The following TMEM254 variants were observed in gnomAD, a reference collection of about 807,000 sequenced individuals.
TMEM254 encodes transmembrane protein 254.
TMEM254 carries 16 observed loss-of-function variants against 13.9 expected under a neutral mutation model. That is an observed-to-expected ratio of 1.15 (90% confidence interval 0.78 to 1.75). TMEM254 has a LOEUF of 1.75. Ranked by LOEUF, TMEM254 falls within the 40% of genes most tolerant of loss-of-function variation. The pLI is 0.00. For missense variants in TMEM254, 155 were observed against 149.0 expected (o/e 1.04, Z -0.21); for synonymous variants, 61 against 56.4 (o/e 1.08, Z -0.36).
intron 1 of TMEM254, among the ~76,000 whole-genome samples, chr10:80,081,426 G>A (rs1230188726): frequency 2.0e-5 from 3 of 152,124 alleles, no homozygotes; most frequent in Non-Finnish European, 2.9e-5. Context: ...CAGCACTTTG[G>A]GAGGCCAAGA....
intron 1 of TMEM254, chr10:80,079,154 G>A (rs1436925440): frequency 7.6e-7 from 1 of 1,317,664 alleles, no homozygotes; most frequent in Non-Finnish European, 1.0e-6. Flanking sequence ...TGCCCTCTCT[G>A]GTCACAGTCC....
At chr10:80,079,188 A>C in intron 1 of TMEM254, 1 of 606,326 alleles carries the variant, frequency 1.6e-6, no homozygotes, top group Non-Finnish European at 2.4e-6. Context: ...CTTCGCGGTG[A>C]GGCGTGGGGT....
chr10:80,082,232 C>T (rs1564568852), intron 3 of TMEM254, 28 bp downstream of exon 3: 10 of 1,612,686 alleles, frequency 6.2e-6, no homozygotes, highest in Middle Eastern at 3.3e-4. Context: ...GTGTTTGTTG[C>T]CTTTCTCTTA....
At chr10:80,079,033 C>T (rs750309241) in intron 1 of TMEM254, 4 of 1,511,504 alleles carry the variant, frequency 2.6e-6, no homozygotes, top group African/African-American at 1.4e-5. Flanking sequence ...TATATGGGGG[C>T]GGGGACGGCT....
chr10:80,090,866 GTC>G lies in TMEM254; in HGVS notation c.326_327del (p.Leu109HisfsTer36). On this transcript the variant is annotated frameshift_variant, in exon 4 of 4. Transcript: ENST00000372281. LOFTEE classifies it high-confidence loss of function. ...FLQTFFFGIASLTILIAYKRK... is the reference protein window; with the variant it reads ...FLQTFFFGIAXLTILIAYKRK... ...TACAGACTTTCTTCTTTGGGATAGC[GTC>G]TCTCACCATCTTGATTGCTTACAAA... The G allele has an allele frequency of 6.2e-7, 1 of 1,614,064 alleles. No homozygotes were observed. The highest frequency in any genetic ancestry group is 1.1e-5 in the South Asian group (1 of 91,070).
rs943125834 is a variant in TMEM254, at chr10:80,079,524, A to G, written c.87+738A>G. The G allele has an allele frequency of 8.8e-6, 9 of 1,018,428 alleles. No individual in the cohort carries two copies. In the African/African-American group the frequency reaches 1.6e-4, roughly 18 times the overall value. The allele number at this position is 1,018,428 out of a possible 1,614,324, so 63.1% of individuals were successfully genotyped here. A position where few individuals can be genotyped will look rare whatever the true frequency, so the allele number is the denominator to read the frequency against. ...AATAGGAATTGTTTGGAAAACGGGGATAAATCTAAAGGATGGGTAGGATTT... is the reference window on the plus strand; with the variant it reads ...AATAGGAATTGTTTGGAAAACGGGGGTAAATCTAAAGGATGGGTAGGATTT... On this transcript the variant is annotated intron_variant, in intron 1 of 3. Transcript: ENST00000372281.
intron 1 of TMEM254, chr10:80,079,305 C>A: frequency 8.3e-7 from 1 of 1,202,946 alleles, no homozygotes; most frequent in Non-Finnish European, 1.1e-6. Context: ...CTCGGTTACT[C>A]ATGTAAGCGG....
intron 1 of TMEM254, 144 bp downstream of exon 1, chr10:80,078,930 G>C: frequency 6.6e-7 from 1 of 1,524,132 alleles, no homozygotes; most frequent in Non-Finnish European, 8.9e-7. Flanking sequence ...GAGGGGAGGG[G>C]ACCAGACTCC....
At chr10:80,089,013 T>G (rs1211341123) in intron 3 of TMEM254, among the ~76,000 whole-genome samples, 1 of 151,928 alleles carries the variant, frequency 6.6e-6, no homozygotes, top group African/African-American at 2.4e-5. Context: ...TTTCTAATTG[T>G]CTGATGGTAC....
chr10:80,079,794 C>T (rs1797970616), intron 1 of TMEM254: 1 of 636,918 alleles, frequency 1.6e-6, no homozygotes, highest in African/African-American at 2.0e-5. Flanking sequence ...CTCACTGCAA[C>T]CTCTGCTTCC....
Position 80,086,486 on chromosome 10 carries a change from A to G in TMEM254, c.251+4282A>G, listed in dbSNP as rs1030752530. On this transcript the variant is annotated intron_variant, in intron 3 of 3. Coordinates refer to ENST00000372281, the MANE Select transcript of TMEM254 (RefSeq NM_025125.4). ...ACAAAATATTTTTGTTGTTTTGCCTATTTCAAAACAAACATGTTTGTTTTT... is the reference window on the plus strand; with the variant it reads ...ACAAAATATTTTTGTTGTTTTGCCTGTTTCAAAACAAACATGTTTGTTTTT... 15 of 310,664 alleles carry G rather than the reference A, an allele frequency of 4.8e-5. No individual in the cohort carries two copies. In the South Asian group the frequency reaches 7.7e-4, roughly 16 times the overall value. The allele number at this position is 310,664 out of a possible 1,614,324, so 19.2% of individuals were successfully genotyped here.
intron 3 of TMEM254, among the ~76,000 whole-genome samples, chr10:80,082,520 C>G (rs1033875289): frequency 6.6e-6 from 1 of 152,180 alleles, no homozygotes; most frequent in Admixed American, 6.5e-5. Flanking sequence ...TTCTAGTTTA[C>G]AAAAGAGCTA....
At chr10:80,085,056 G>A (rs143467363) in intron 3 of TMEM254, among the ~76,000 whole-genome samples, 3,777 of 151,986 alleles carry the variant, frequency 0.025, 55 homozygotes, top group Middle Eastern at 0.054. Context: ...TCTTGACCTC[G>A]TAATCCGCCC....
chr10:80,085,347 G>A (rs1322733180), intron 3 of TMEM254, among the ~76,000 whole-genome samples: 2 of 151,896 alleles, frequency 1.3e-5, no homozygotes, highest in African/African-American at 2.4e-5. Flanking sequence ...ATCACCTGAG[G>A]TCAGGAGTTC....
chr10:80,090,705 A>G, intron 3 of TMEM254, 92 bp from the exon 4 acceptor site: 10 of 1,227,376 alleles, frequency 8.1e-6, no homozygotes, highest in Non-Finnish European at 1.1e-5. Context: ...AGTGGAAGGT[A>G]TAATTTAAAA....
chr10:80,081,334 C>T (rs1844010610), intron 1 of TMEM254, among the ~76,000 whole-genome samples: 1 of 152,118 alleles, frequency 6.6e-6, no homozygotes. Flanking sequence ...TAACCACATA[C>T]TTTCCTCAGC....
chr10:80,086,108 A>G, intron 3 of TMEM254: 2 of 522,204 alleles, frequency 3.8e-6, no homozygotes, highest in Non-Finnish European at 6.3e-6. Context: ...ATTTTTTCTT[A>G]AGGCAGGAAA....
intron 1 of TMEM254, 119 bp from the exon 2 acceptor site, chr10:80,081,722 C>G (rs1299689241): frequency 1.9e-6 from 3 of 1,608,408 alleles, no homozygotes; most frequent in South Asian, 1.1e-5. Context: ...AATGACTGTT[C>G]AGAGTTTCTT....
chr10:80,079,225 C>T (rs1260543842), intron 1 of TMEM254: 2 of 1,268,190 alleles, frequency 1.6e-6, no homozygotes, highest in East Asian at 5.7e-5. Flanking sequence ...CTGTTTTGGC[C>T]CGCCGGGCCC....
Sources: gnomAD v4.1 joint callset for allele counts (sites outside exome capture counted in the v4.1 genomes callset) on GRCh38, gnomAD v4.1.1 for gene constraint, MANE v1.5 for transcripts, NCBI Gene and HGNC (gene_info 2026-07-23, HGNC 2026-07-21) for gene names.